Variants in RANBP2 observed in about 807,000 individuals in gnomAD.
RANBP2 encodes E3 SUMO-protein ligase RanBP2.
In RANBP2, 57 loss-of-function variants were observed where a neutral mutation model predicts 303.6. That is an observed-to-expected ratio of 0.19 (90% CI 0.15 to 0.23). RANBP2 has a LOEUF of 0.23. Among genes scored for constraint, RANBP2 ranks in the 10% least tolerant of loss-of-function variants. RANBP2 has a pLI of 1.00. For synonymous variants in RANBP2, 1,167 were observed against 1,301.5 expected (o/e 0.90, Z 2.23); for missense variants, 3,138 against 3,780.8 (o/e 0.83, Z 4.46).
At chr2:109,608,714 C>G in the RANBP2 span, among the ~76,000 whole-genome samples, 2 of 152,134 alleles carry the variant, frequency 1.3e-5, no homozygotes, top group African/African-American at 2.4e-5. Context: ...GTCATTATGA[C>G]TATGAGATAC....
intron 1 of RANBP2, among the ~76,000 whole-genome samples, chr2:108,727,873 G>C (rs1694857305): frequency 6.6e-6 from 1 of 152,186 alleles, no homozygotes; most frequent in African/African-American, 2.4e-5. Flanking sequence ...AAAGTGCTGG[G>C]ATTACAGGTG....
At chr2:109,613,760 G>C in the RANBP2 span, 1 of 1,197,790 alleles carries the variant, frequency 8.3e-7, no homozygotes, top group Non-Finnish European at 1.0e-6. Context: ...GGGGGCCGGG[G>C]AGCGCGGGGC....
the RANBP2 span, among the ~76,000 whole-genome samples, chr2:109,709,307 AAAAATAAAATAAAATAAAATAAAAT>A: frequency 1.2e-4 from 15 of 127,670 alleles, no homozygotes; most frequent in African/African-American, 3.7e-4. Context: ...ACTGTGTCTC[AAAAATAAAATAAAATAAAATAAAAT>A]AAAATAAAAT....
At chr2:109,733,075 C>T in the RANBP2 span, 1 of 554,054 alleles carries the variant, frequency 1.8e-6, no homozygotes, top group Non-Finnish European at 3.6e-6. Flanking sequence ...GTAGCCGGAG[C>T]AGGTCCCTTT....
chr2:108,780,303 C>T (rs1216621794), intron 25 of RANBP2, among the ~76,000 whole-genome samples: 2 of 150,492 alleles, frequency 1.3e-5, no homozygotes, highest in African/African-American at 4.9e-5. Context: ...AGCGATTCTC[C>T]TGCCTTAGCT....
the RANBP2 span, among the ~76,000 whole-genome samples, chr2:108,928,471 A>G: frequency 2.0e-5 from 3 of 152,076 alleles, no homozygotes; most frequent in Admixed American, 2.0e-4. Flanking sequence ...TGTCCCCACC[A>G]GCCTCATCAC....
the RANBP2 span, among the ~76,000 whole-genome samples, chr2:109,575,561 G>A: frequency 6.6e-6 from 1 of 152,234 alleles, no homozygotes; most frequent in Non-Finnish European, 1.5e-5. Context: ...CAGTGCATGT[G>A]CAGAGCAGTG....
chr2:108,915,997 TC>T, the RANBP2 span, among the ~76,000 whole-genome samples: 9 of 152,124 alleles, frequency 5.9e-5, no homozygotes, highest in Non-Finnish European at 1.2e-4. Context: ...AACAGAGCGT[TC>T]CCCCTCACAG....
the RANBP2 span, chr2:109,665,364 A>AAG: frequency 1.1e-4 from 1 of 9,016 alleles, no homozygotes; most frequent in Non-Finnish European, 7.1e-4. Flanking sequence ...TTTTTTTTGA[A>AAG]ACAGTTTCGC....
At chr2:109,667,120 A>T in the RANBP2 span, 1 of 1,165,080 alleles carries the variant, frequency 8.6e-7, no homozygotes, top group Non-Finnish European at 1.3e-6. Flanking sequence ...TTTTTGTTTT[A>T]TTTTACTTTT....
the RANBP2 span, among the ~76,000 whole-genome samples, chr2:109,717,672 G>A: frequency 6.6e-6 from 1 of 152,036 alleles, no homozygotes; most frequent in Non-Finnish European, 1.5e-5. Flanking sequence ...TCAGCATTTT[G>A]GGAGTCCAAG....
the RANBP2 span, among the ~76,000 whole-genome samples, chr2:109,347,348 G>T: frequency 6.6e-6 from 1 of 152,038 alleles, no homozygotes; most frequent in Non-Finnish European, 1.5e-5. Context: ...GTGCCTCAGT[G>T]TCCCCATCTG....
the RANBP2 span, among the ~76,000 whole-genome samples, chr2:109,706,115 CCACCTCT>C: frequency 6.6e-6 from 1 of 152,164 alleles, no homozygotes; most frequent in African/African-American, 2.4e-5. Flanking sequence ...GGAGCTGCTA[CCACCTCT>C]CACCTGGGCT....
At position 108,762,283 on chromosome 2, in the gene RANBP2, C is replaced by G; in HGVS notation, c.2697+88C>G. 3.1e-6 allele frequency: 4 copies of G among 1,305,540 alleles called. No homozygotes were observed. In the South Asian group the frequency reaches 4.6e-5, roughly 15 times the overall value. 80.9% of individuals were successfully genotyped at this position (1,305,540 alleles called of 1,614,324 possible). A position where few individuals can be genotyped will look rare whatever the true frequency, so the allele number is the denominator to read the frequency against. On this transcript the variant is annotated intron_variant, in intron 19 of 28. Coordinates refer to ENST00000283195, the MANE Select transcript of RANBP2 (RefSeq NM_006267.5). The stretch of plus-strand genomic sequence containing the variant: ...CAAATAAATTCAAGAGAGCAGTTCA[C>G]TATTAAAACTTTTATGTCCCTTAAA...
At chr2:109,490,391 G>T in the RANBP2 span, among the ~76,000 whole-genome samples, 3 of 152,180 alleles carry the variant, frequency 2.0e-5, no homozygotes, top group Non-Finnish European at 4.4e-5. Context: ...GCCCTCACTG[G>T]TTCACCCGTG....
chr2:109,556,382 A>G, the RANBP2 span, among the ~76,000 whole-genome samples: 1 of 152,232 alleles, frequency 6.6e-6, no homozygotes, highest in Non-Finnish European at 1.5e-5. Flanking sequence ...TTAATCTTAA[A>G]TTTTATAACT....
At chr2:109,476,727 A>G in the RANBP2 span, among the ~76,000 whole-genome samples, 2 of 152,194 alleles carry the variant, frequency 1.3e-5, no homozygotes, top group Non-Finnish European at 2.9e-5. Context: ...TAGGAAAGTA[A>G]AGGAATACAA....
chr2:108,876,215 A>G, the RANBP2 span: 1 of 1,613,074 alleles, frequency 6.2e-7, no homozygotes, highest in South Asian at 1.1e-5. Flanking sequence ...TCTGGGTTTA[A>G]CAAAATGTAA....
chr2:109,640,987 A>G, the RANBP2 span, among the ~76,000 whole-genome samples: 1 of 151,926 alleles, frequency 6.6e-6, no homozygotes, highest in Non-Finnish European at 1.5e-5. Context: ...TTCGAGAATT[A>G]AAGTGGGGAC....
Sources: allele counts gnomAD v4.1 joint callset (sites outside exome capture counted in the v4.1 genomes callset), GRCh38; gene constraint gnomAD v4.1.1; transcripts MANE v1.5; gene names NCBI Gene and HGNC (gene_info 2026-07-23, HGNC 2026-07-21).